DHDH: variants seen among roughly 807,000 people sequenced by gnomAD.
DHDH encodes dihydrodiol dehydrogenase.
A neutral mutation model predicts 33.2 loss-of-function variants in DHDH; 29 were observed. The observed-to-expected ratio is 0.87, with a 90% confidence interval of 0.65 to 1.19. DHDH has a LOEUF of 1.19. Among genes scored for constraint, DHDH ranks in the 50% most tolerant of loss-of-function variants. The pLI is 0.00. For synonymous variants in DHDH, 201 were observed against 187.9 expected (o/e 1.07, Z -0.57); for missense variants, 431 against 455.0 (o/e 0.95, Z 0.48).
chr19:48,937,811 T>TAAAA (rs539240060), intron 3 of DHDH, among the ~76,000 whole-genome samples: 1 of 127,208 alleles, frequency 7.9e-6, no homozygotes, highest in Non-Finnish European at 1.7e-5. Context: ...AGACTGTCTT[T>TAAAA]AAAAAAAAAA....
upstream of DHDH, chr19:48,933,656 C>A: frequency 6.7e-7 from 1 of 1,488,566 alleles, no homozygotes; most frequent in Non-Finnish European, 9.3e-7. Flanking sequence ...CCGGGGTGGG[C>A]GGGGCGTCAG....
chr19:48,936,866 C>T (rs1342624123), intron 3 of DHDH, among the ~76,000 whole-genome samples: 2 of 151,734 alleles, frequency 1.3e-5, no homozygotes, highest in South Asian at 2.1e-4. Flanking sequence ...TCACTGCAAC[C>T]TCCACCTCCC....
In DHDH at chr19:48,944,901, A is replaced by C; in HGVS notation, c.973A>C (p.Ile325Leu). Residue 325 changes from isoleucine to leucine, a missense_variant, in exon 7 of 7, where the codon ATT becomes CTT. Transcript: ENST00000221403. ...ADILEEVRKAIGVTFPQDKR is the reference protein window; with the variant it reads ...ADILEEVRKALGVTFPQDKR ...CATCCTTGAAGAGGTGAGGAAGGCC[A>C]TTGGAGTCACCTTCCCCCAAGACAA... The C allele has an allele frequency of 1.2e-6, 2 of 1,614,138 alleles. No individual in the cohort carries two copies. The highest frequency in any genetic ancestry group is 1.7e-6 in the Non-Finnish European group (2 of 1,180,026).
At chr19:48,944,533 G>A (rs906132633) in intron 6 of DHDH, 26 bp downstream of exon 6, 4 of 1,565,712 alleles carry the variant, frequency 2.6e-6, no homozygotes, top group Non-Finnish European at 2.6e-6. Context: ...CGGGGCAGGC[G>A]CCAGGCCTGG....
At position 48,944,811 on chromosome 19, in the gene DHDH, A is replaced by T; in HGVS notation, c.896-13A>T. On this transcript the variant is annotated splice_polypyrimidine_tract_variant and intron_variant, in intron 6 of 6. Coordinates refer to ENST00000221403, the MANE Select transcript of DHDH (RefSeq NM_014475.4). ...GTGGGTAGGAGGGGTCCCTAACTAC[A>T]CTCTCCCCACAGGTATGAAGGAAAG... The T allele has an allele frequency of 5.0e-6, 8 of 1,610,484 alleles. No individual in the cohort carries two copies. The highest frequency in any genetic ancestry group is 6.8e-6 in the Non-Finnish European group (8 of 1,178,178).
intron 6 of DHDH, 65 bp from the exon 7 acceptor site, chr19:48,944,758 GA>G: frequency 7.0e-7 from 1 of 1,428,166 alleles, no homozygotes; most frequent in Non-Finnish European, 9.8e-7. Context: ...GGAATTCTGG[GA>G]ATTGTAGTTC....
At chr19:48,943,540 T>C (rs1450907365) in intron 5 of DHDH, among the ~76,000 whole-genome samples, 2 of 151,468 alleles carry the variant, frequency 1.3e-5, no homozygotes, top group African/African-American at 2.4e-5. Flanking sequence ...AAAAAAAACA[T>C]ACAGGCTGGG....
chr19:48,933,660 G>C, upstream of DHDH: 1 of 1,510,630 alleles, frequency 6.6e-7, no homozygotes, highest in East Asian at 2.3e-5. Flanking sequence ...GGTGGGCGGG[G>C]CGTCAGGTAC....
chr19:48,935,082 A>G lies in DHDH; in HGVS notation c.173A>G (p.Tyr58Cys), dbSNP rs377345364. ...KHDIPKAYGSYEELAKDPSVE... is the reference protein window; with the variant it reads ...KHDIPKAYGSCEELAKDPSVE... Reference sequence around the variant, plus strand: ...GACATCCCCAAGGCCTACGGCTCCTATGAGGAGCTGGCCAAGGACCCGAGC... The same window carrying G: ...GACATCCCCAAGGCCTACGGCTCCTGTGAGGAGCTGGCCAAGGACCCGAGC... The change falls in exon 2 of 7, where the codon TAT (tyrosine) becomes TGT (cysteine). Residue 58 changes from tyrosine (Y) to cysteine (C), a missense_variant. By Grantham distance (194) the Tyr-to-Cys change is radical (BLOSUM62 -2). Transcript: ENST00000221403. 4.0e-5 allele frequency: 64 copies of G among 1,586,552 alleles called. No individual in the cohort carries two copies. Among genetic ancestry groups the G allele is most frequent in the African/African-American group, 5.4e-5 (4 of 74,356 alleles).
rs766869660 is a variant in DHDH, at chr19:48,944,796, G to A, written c.896-28G>A. On this transcript the variant is annotated intron_variant, in intron 6 of 6. Coordinates refer to ENST00000221403, the MANE Select transcript of DHDH (RefSeq NM_014475.4). ...TTGGGTCTTGGGCGCGTGGGTAGGA[G>A]GGGTCCCTAACTACACTCTCCCCAC... 1.9e-6 allele frequency: 3 copies of A among 1,591,348 alleles called. No homozygotes were observed. The African/African-American group carries it at 4.0e-5, about 21-fold the overall frequency.
In DHDH at chr19:48,935,056, C is replaced by G. The variant is rs1209012519; in HGVS notation, c.147C>G (p.His49Gln). The G allele has an allele frequency of 1.3e-6, 2 of 1,593,884 alleles. No homozygotes were observed. The highest frequency in any genetic ancestry group is 1.7e-6 in the Non-Finnish European group (2 of 1,172,088). ...LSRAKEFAQK[H>Q]DIPKAYGSYE... is the part of the protein sequence containing the mutation. ...GTGCGAAGGAGTTTGCACAGAAACACGACATCCCCAAGGCCTACGGCTCCT... is the reference window on the plus strand; with the variant it reads ...GTGCGAAGGAGTTTGCACAGAAACAGGACATCCCCAAGGCCTACGGCTCCT... The change falls in exon 2 of 7, where the codon CAC becomes CAG. Residue 49 changes from histidine to glutamine, a missense_variant. Physicochemically the swap from His to Gln is conservative, Grantham distance 24. Transcript: ENST00000221403.
At chr19:48,943,182 G>A (rs756362662) in intron 5 of DHDH, among the ~76,000 whole-genome samples, 1 of 152,050 alleles carries the variant, frequency 6.6e-6, no homozygotes, top group Non-Finnish European at 1.5e-5. Context: ...CGAGGCTGCA[G>A]TGAGCTGTGA....
chr19:48,942,590 G>T (rs1464286072), intron 5 of DHDH, 26 bp downstream of exon 5: 4 of 1,602,592 alleles, frequency 2.5e-6, no homozygotes, highest in Non-Finnish European at 3.4e-6. Context: ...CCCAAGCGCT[G>T]GGGATCGTGC....
At chr19:48,944,228 TG>T in intron 5 of DHDH, 128 bp from the exon 6 acceptor site, 1 of 1,252,646 alleles carries the variant, frequency 8.0e-7, no homozygotes, top group Non-Finnish European at 1.1e-6. Context: ...TCCCCGGGGA[TG>T]GACAGGGCAA....
At chr19:48,943,055 CAA>C (rs5828370) in intron 5 of DHDH, among the ~76,000 whole-genome samples, 2 of 140,760 alleles carry the variant, frequency 1.4e-5, no homozygotes. Flanking sequence ...AACTCCATCT[CAA>C]AAAAAAAAAT....
chr19:48,938,881 G>A (rs563069180), intron 3 of DHDH, among the ~76,000 whole-genome samples: 9 of 152,130 alleles, frequency 5.9e-5, no homozygotes, highest in Non-Finnish European at 1.2e-4. Context: ...GGCTAGGCTG[G>A]TCTCGAACTC....
chr19:48,935,268 T>C (rs574343297), intron 2 of DHDH, among the ~76,000 whole-genome samples, 157 bp downstream of exon 2: 1 of 152,314 alleles, frequency 6.6e-6, no homozygotes, highest in African/African-American at 2.4e-5. Flanking sequence ...GGGCTTGGTC[T>C]GGGACTGGCT....
intron 5 of DHDH, among the ~76,000 whole-genome samples, chr19:48,943,740 T>C (rs867063282): frequency 6.6e-6 from 1 of 151,174 alleles, no homozygotes; most frequent in Admixed American, 6.6e-5. Flanking sequence ...GCAGGAGAAT[T>C]GCCTGAACCC....
At chr19:48,935,930 C>G in intron 2 of DHDH, 102 bp from the exon 3 acceptor site, 1 of 1,459,538 alleles carries the variant, frequency 6.9e-7, no homozygotes, top group Non-Finnish European at 9.3e-7. Flanking sequence ...TGTGACCGAC[C>G]ACCTGGTCCC....
Sources: gnomAD v4.1 joint callset for allele counts (sites outside exome capture counted in the v4.1 genomes callset) on GRCh38, gnomAD v4.1.1 for gene constraint, MANE v1.5 for transcripts, NCBI Gene and HGNC (gene_info 2026-07-23, HGNC 2026-07-21) for gene names.